PICALM: variants seen among roughly 807,000 people sequenced by gnomAD.
PICALM encodes phosphatidylinositol binding clathrin assembly protein.
A neutral mutation model predicts 80.5 loss-of-function variants in PICALM; 40 were observed. The ratio of observed to expected loss-of-function variants is 0.50; its 90% CI spans 0.39 to 0.65. The LOEUF is 0.65. PICALM is among the 30% of genes least tolerant of loss of function. PICALM has a pLI of 0.00. For synonymous variants in PICALM, 288 were observed against 260.3 expected (o/e 1.11, Z -1.02); for missense variants, 676 against 778.9 (o/e 0.87, Z 1.57).
chr11:86,011,460 C>G (rs2095392794), intron 6 of PICALM, among the ~76,000 whole-genome samples: 1 of 152,244 alleles, frequency 6.6e-6, no homozygotes, highest in Non-Finnish European at 1.5e-5. Context: ...ACATCTATTT[C>G]CAATCTTACT....
intron 7 of PICALM, among the ~76,000 whole-genome samples, chr11:86,008,814 G>T (rs2095329645): frequency 6.6e-6 from 1 of 151,886 alleles, no homozygotes; most frequent in South Asian, 2.1e-4. Context: ...ACTCTGGCCG[G>T]GCGCGGTGGC....
chr11:86,018,405 G>C (rs1215924743), intron 4 of PICALM, among the ~76,000 whole-genome samples: 1 of 151,970 alleles, frequency 6.6e-6, no homozygotes, highest in Non-Finnish European at 1.5e-5. Flanking sequence ...AGGATAATTT[G>C]GTGTTTTGTA....
At chr11:85,997,144 G>C (rs2094993836) in intron 11 of PICALM, among the ~76,000 whole-genome samples, 1 of 152,120 alleles carries the variant, frequency 6.6e-6, no homozygotes, top group Admixed American at 6.5e-5. Flanking sequence ...GTTTATATAA[G>C]ATTCAAAGAA....
At chr11:85,959,955 C>G (rs1447066883) in intron 19 of PICALM, among the ~76,000 whole-genome samples, 1 of 152,080 alleles carries the variant, frequency 6.6e-6, no homozygotes. Flanking sequence ...CCTATTTTTT[C>G]ATGACAAGTT....
At chr11:85,977,499 A>G (rs1379011557) in intron 17 of PICALM, among the ~76,000 whole-genome samples, 3 of 152,240 alleles carry the variant, frequency 2.0e-5, no homozygotes, top group Non-Finnish European at 4.4e-5. Flanking sequence ...AATAAAGGTG[A>G]AAGACCAATA....
intron 8 of PICALM, among the ~76,000 whole-genome samples, chr11:86,006,737 A>C (rs553250044): frequency 6.6e-6 from 1 of 152,378 alleles, no homozygotes; most frequent in Admixed American, 6.5e-5. Context: ...TGGAAATGTT[A>C]CAAGGATAGC....
chr11:86,023,471 T>C (rs1350764233), intron 3 of PICALM: 1 of 985,148 alleles, frequency 1.0e-6, no homozygotes, highest in African/African-American at 1.7e-5. Context: ...CTTCGGTTCA[T>C]ATGGTTCTAT....
intron 1 of PICALM, among the ~76,000 whole-genome samples, chr11:86,031,974 C>A (rs1342719141): frequency 2.0e-5 from 3 of 152,130 alleles, no homozygotes; most frequent in Non-Finnish European, 4.4e-5. Flanking sequence ...TTATTCATCT[C>A]TTTAAAATTA....
intron 8 of PICALM, among the ~76,000 whole-genome samples, chr11:86,005,322 CAA>C (rs1265588503): frequency 6.6e-6 from 1 of 152,086 alleles, no homozygotes; most frequent in Non-Finnish European, 1.5e-5. Flanking sequence ...ATTAAACTAC[CAA>C]GTTATGATTA....
chr11:85,968,466 C>T (rs971671474), intron 19 of PICALM, among the ~76,000 whole-genome samples: 1 of 152,136 alleles, frequency 6.6e-6, no homozygotes, highest in South Asian at 2.1e-4. Context: ...AACAACAACC[C>T]TTGTCACCCC....
intron 19 of PICALM, among the ~76,000 whole-genome samples, chr11:85,965,054 TTGAG>T (rs533110676): frequency 2.3e-4 from 35 of 152,348 alleles, no homozygotes; most frequent in African/African-American, 5.5e-4. Context: ...ATGGTTTTGA[TTGAG>T]TGTTTGTTCC....
chr11:86,019,514 T>A (rs1251135789), intron 4 of PICALM, among the ~76,000 whole-genome samples: 1 of 152,218 alleles, frequency 6.6e-6, no homozygotes, highest in Non-Finnish European at 1.5e-5. Flanking sequence ...GTTACCATTT[T>A]AAAAATCTAT....
intron 6 of PICALM, among the ~76,000 whole-genome samples, chr11:86,011,347 C>G (rs992275538): frequency 1.3e-5 from 2 of 152,198 alleles, no homozygotes; most frequent in Non-Finnish European, 1.5e-5. Context: ...CTTGACCCTA[C>G]TCATATTCCT....
At chr11:86,001,552 C>T (rs2095145514) in intron 9 of PICALM, among the ~76,000 whole-genome samples, 1 of 152,204 alleles carries the variant, frequency 6.6e-6, no homozygotes, top group Admixed American at 6.5e-5. Flanking sequence ...TAATTTACAG[C>T]CTACGTTTCG....
intron 17 of PICALM, among the ~76,000 whole-genome samples, chr11:85,980,754 T>C (rs755521146): frequency 7.2e-5 from 11 of 152,206 alleles, no homozygotes; most frequent in Non-Finnish European, 1.2e-4. Flanking sequence ...GCCTAGGTTA[T>C]AAAAATTCAA....
At chr11:85,971,750 A>G (rs1044353203) in intron 19 of PICALM, among the ~76,000 whole-genome samples, 47 of 151,764 alleles carry the variant, frequency 3.1e-4, no homozygotes, top group African/African-American at 9.2e-4. Flanking sequence ...AAAAAAAACA[A>G]AACAAAAACA....
chr11:85,995,301 G>A (rs185512835), intron 12 of PICALM, among the ~76,000 whole-genome samples: 7 of 152,194 alleles, frequency 4.6e-5, no homozygotes, highest in Admixed American at 1.3e-4. Flanking sequence ...CAAAATAACC[G>A]AAAATAGAAA....
intron 2 of PICALM, among the ~76,000 whole-genome samples, chr11:86,030,194 T>C (rs1200308923): frequency 1.3e-5 from 2 of 152,228 alleles, no homozygotes; most frequent in African/African-American, 2.4e-5. Flanking sequence ...ATTATGATTA[T>C]AGCCATTTAA....
intron 19 of PICALM, among the ~76,000 whole-genome samples, chr11:85,966,238 G>A (rs1456806560): frequency 6.8e-6 from 1 of 146,856 alleles, no homozygotes; most frequent in Non-Finnish European, 1.5e-5. Flanking sequence ...ACAGGGTCTA[G>A]CTCTGTTGCC....
Sources: allele counts gnomAD v4.1 joint callset (sites outside exome capture counted in the v4.1 genomes callset), GRCh38; gene constraint gnomAD v4.1.1; transcripts MANE v1.5; gene names NCBI Gene and HGNC (gene_info 2026-07-23, HGNC 2026-07-21).